Variants in GABBR2 observed in about 807,000 individuals in gnomAD.
The protein encoded by GABBR2 is gamma-aminobutyric acid type B receptor subunit 2, also known as G-protein coupled receptor 51.
In GABBR2, 23 loss-of-function variants were observed where a neutral mutation model predicts 105.6. The ratio of observed to expected loss-of-function variants is 0.22; its 90% confidence interval spans 0.16 to 0.31. GABBR2 has a LOEUF of 0.31. Ranked by LOEUF, GABBR2 falls within the 10% of genes least tolerant of loss-of-function variation. The pLI, the probability that GABBR2 is intolerant of heterozygous loss-of-function variation, is 1.00. For missense variants in GABBR2, 734 were observed against 1,245.5 expected (o/e 0.59, Z 6.18); for synonymous variants, 478 against 499.7 (o/e 0.96, Z 0.58).
intron 3 of GABBR2, among the ~76,000 whole-genome samples, chr9:98,500,727 C>T (rs1168999110): frequency 6.6e-6 from 1 of 152,182 alleles, no homozygotes; most frequent in Non-Finnish European, 1.5e-5. Flanking sequence ...CTCCTCCCCA[C>T]CCCCGCTACA....
intron 11 of GABBR2, among the ~76,000 whole-genome samples, chr9:98,382,675 A>T (rs942238312): frequency 2.0e-5 from 3 of 152,142 alleles, no homozygotes; most frequent in Non-Finnish European, 4.4e-5. Context: ...AGGAAGCCTA[A>T]GCACAGATGG....
chr9:98,443,184 G>A (rs996252189), intron 7 of GABBR2, among the ~76,000 whole-genome samples: 7 of 152,118 alleles, frequency 4.6e-5, no homozygotes, highest in African/African-American at 1.7e-4. Flanking sequence ...GTAATTTGCT[G>A]TGACCACCAT....
intron 13 of GABBR2, among the ~76,000 whole-genome samples, chr9:98,338,077 T>A (rs1831147284): frequency 2.0e-5 from 3 of 152,046 alleles, no homozygotes; most frequent in African/African-American, 7.2e-5. Flanking sequence ...ACGTGCAAAA[T>A]AATTAATTTG....
At chr9:98,608,627 T>G (rs1829464509) in intron 1 of GABBR2, among the ~76,000 whole-genome samples, 1 of 152,240 alleles carries the variant, frequency 6.6e-6, no homozygotes, top group South Asian at 2.1e-4. Context: ...TTTTGACACT[T>G]CCATTGTTTA....
rs147791185 is a variant in GABBR2, at chr9:98,586,909, G to A, written c.322-8837C>T. ...GGTTGCTGCTGTAAGCAAGATGGTC[G>A]AATATTTGCATACGCGCCTCCTTGC... On this transcript the variant is annotated intron_variant, in intron 1 of 18. Transcript: ENST00000259455. Among the ~76,000 whole-genome samples the A allele has an allele frequency of 5.2e-3, 789 of 152,284 alleles. 4 individuals are homozygous for A. Among genetic ancestry groups the A allele is most frequent in the African/African-American group, 0.017 (725 of 41,560 alleles).
chr9:98,701,369 G>A (rs925273901), intron 1 of GABBR2, among the ~76,000 whole-genome samples: 13 of 152,172 alleles, frequency 8.5e-5, no homozygotes, highest in African/African-American at 2.2e-4. Context: ...TTTCTGGGGC[G>A]CTCATATTGC....
chr9:98,644,381 C>G (rs1451581670), intron 1 of GABBR2, among the ~76,000 whole-genome samples: 1 of 152,176 alleles, frequency 6.6e-6, no homozygotes, highest in Non-Finnish European at 1.5e-5. Context: ...CTGTGTCAAT[C>G]TAAAAGGAAC....
chr9:98,367,666 T>A (rs1011639245), intron 12 of GABBR2, among the ~76,000 whole-genome samples: 3 of 152,174 alleles, frequency 2.0e-5, no homozygotes, highest in African/African-American at 7.2e-5. Context: ...ATTATTCCAG[T>A]ATGAGAAACT....
intron 1 of GABBR2, among the ~76,000 whole-genome samples, chr9:98,641,413 C>T (rs1369799791): frequency 6.6e-6 from 1 of 151,908 alleles, no homozygotes; most frequent in African/African-American, 2.4e-5. Flanking sequence ...GCTCGGATTA[C>T]AGGCGTGAGC....
At chr9:98,342,263 G>A (rs941231481) in intron 13 of GABBR2, among the ~76,000 whole-genome samples, 5 of 152,080 alleles carry the variant, frequency 3.3e-5, no homozygotes, top group Non-Finnish European at 7.4e-5. Context: ...GTGGAAAGGG[G>A]GTGTTCTGGG....
At chr9:98,659,009 A>G (rs1450033276) in intron 1 of GABBR2, among the ~76,000 whole-genome samples, 1 of 152,214 alleles carries the variant, frequency 6.6e-6, no homozygotes, top group Non-Finnish European at 1.5e-5. Flanking sequence ...AAGTCTGACC[A>G]CATGAAATAT....
At chr9:98,618,781 T>C (rs1049177593) in intron 1 of GABBR2, among the ~76,000 whole-genome samples, 2 of 152,128 alleles carry the variant, frequency 1.3e-5, no homozygotes, top group South Asian at 4.2e-4. Flanking sequence ...CTCCTTGATG[T>C]AATCATGACA....
At chr9:98,592,900 C>A (rs1829166662) in intron 1 of GABBR2, among the ~76,000 whole-genome samples, 1 of 152,182 alleles carries the variant, frequency 6.6e-6, no homozygotes, top group South Asian at 2.1e-4. Context: ...CCAGCCAGTG[C>A]CAGCTTAAGG....
intron 1 of GABBR2, among the ~76,000 whole-genome samples, chr9:98,663,493 G>A (rs191992808): frequency 2.6e-5 from 4 of 152,148 alleles, no homozygotes; most frequent in Admixed American, 2.0e-4. Flanking sequence ...GGTCAGAATA[G>A]CAGTCAGGGG....
intron 7 of GABBR2, among the ~76,000 whole-genome samples, chr9:98,449,222 C>G (rs1408768062): frequency 6.6e-6 from 1 of 152,060 alleles, no homozygotes; most frequent in African/African-American, 2.4e-5. Context: ...TTGGTCTTTA[C>G]TCCCCTAAGC....
intron 13 of GABBR2, among the ~76,000 whole-genome samples, chr9:98,320,234 C>G (rs370764780): frequency 1.3e-5 from 2 of 151,778 alleles, no homozygotes; most frequent in Non-Finnish European, 2.9e-5. Flanking sequence ...AAAATGCTCA[C>G]CATCACTGGC....
At chr9:98,665,652 C>T (rs1388655872) in intron 1 of GABBR2, among the ~76,000 whole-genome samples, 4 of 152,176 alleles carry the variant, frequency 2.6e-5, no homozygotes, top group Non-Finnish European at 4.4e-5. Context: ...GGAGCAAGGC[C>T]ATGCCATCTG....
At chr9:98,419,322 G>A (rs1242948045) in intron 7 of GABBR2, among the ~76,000 whole-genome samples, 1 of 152,212 alleles carries the variant, frequency 6.6e-6, no homozygotes, top group Non-Finnish European at 1.5e-5. Context: ...TGTCTCCTAG[G>A]GTGTAAGGAG....
At chr9:98,484,754 G>A (rs1303057926) in intron 4 of GABBR2, among the ~76,000 whole-genome samples, 2 of 152,226 alleles carry the variant, frequency 1.3e-5, no homozygotes, top group Non-Finnish European at 2.9e-5. Flanking sequence ...TAGGGGAAAG[G>A]TTTTGGATTT....
Sources: allele counts gnomAD v4.1 joint callset (sites outside exome capture counted in the v4.1 genomes callset), GRCh38; gene constraint gnomAD v4.1.1; transcripts MANE v1.5; gene names NCBI Gene and HGNC (gene_info 2026-07-23, HGNC 2026-07-21).